Variants in HMGCS2 observed in about 807,000 individuals in gnomAD.
The protein encoded by HMGCS2 is 3-hydroxy-3-methylglutaryl-CoA synthase 2.
Under a neutral mutation model 57.4 loss-of-function variants are expected in HMGCS2, and 50 were observed. That is an observed-to-expected ratio of 0.87 (90% CI 0.69 to 1.10). The LOEUF (loss-of-function observed/expected upper bound fraction) is 1.10, where lower values mean the gene tolerates loss of function less well. HMGCS2 is among the 50% of genes least tolerant of loss of function. HMGCS2 has a pLI of 0.00. For synonymous variants in HMGCS2, 254 were observed against 245.1 expected, an observed-to-expected ratio of 1.04 and a Z score of -0.34; for missense variants, 627 against 636.5, an observed-to-expected ratio of 0.99 and a Z score of 0.16.
intron 5 of HMGCS2, among the ~76,000 whole-genome samples, 173 bp downstream of exon 5, chr1:119,757,100 T>G (rs1027933607): frequency 6.6e-6 from 1 of 152,170 alleles, no homozygotes; most frequent in East Asian, 1.9e-4. Context: ...TGGAGGGCCC[T>G]ACCCAGACAA....
chr1:119,757,343 T>G lies in HMGCS2; in HGVS notation c.946A>C (p.Met316Leu), dbSNP rs587664208. Reference sequence around the variant, plus strand: ...CTGGCTGACAGGAAGTCATTGAACATCAGGCGAGCCAGAGACTTCTGGACC... The same window carrying G: ...CTGGCTGACAGGAAGTCATTGAACAGCAGGCGAGCCAGAGACTTCTGGACC... ...KMVQKSLARL[M>L]FNDFLSASSD... The change falls in exon 5 of 10, where the codon ATG (methionine) becomes CTG (leucine). Residue 316 changes from methionine to leucine, a missense_variant. By Grantham distance (15) the Met-to-Leu change is conservative. Coordinates refer to ENST00000369406, the MANE Select transcript of HMGCS2 (RefSeq NM_005518.4). 6.2e-7 allele frequency: 1 copy of G among 1,614,148 alleles called. No individual in the cohort carries two copies. The highest frequency in any genetic ancestry group is 8.5e-7 in the Non-Finnish European group (1 of 1,180,024).
In HMGCS2 at chr1:119,755,377, C is replaced by T. The variant is rs773460462; in HGVS notation, c.1187+50G>A. Reference sequence around the variant, plus strand: ...TTGTTGACCCTGCAGCCCACGGGGGCGGAGGCTGAGGGTGTGCATGGAGGA... The same window carrying T: ...TTGTTGACCCTGCAGCCCACGGGGGTGGAGGCTGAGGGTGTGCATGGAGGA... On this transcript the variant is annotated intron_variant, in intron 6 of 9. Coordinates refer to ENST00000369406, the MANE Select transcript of HMGCS2 (RefSeq NM_005518.4). 1.7e-5 allele frequency: 27 copies of T among 1,574,318 alleles called. 1 individual carries two copies. The highest frequency in any genetic ancestry group is 1.1e-4 in the African/African-American group (8 of 74,022).
In HMGCS2 at chr1:119,750,956, T is replaced by G. The variant is rs587699315; in HGVS notation, c.1421-48A>C. ...AGTACTCACAAAGAGTTATATGAGTTTTTGGAAGAGAAAATAGTAATGAAG... is the reference window on the plus strand; with the variant it reads ...AGTACTCACAAAGAGTTATATGAGTGTTTGGAAGAGAAAATAGTAATGAAG... On this transcript the variant is annotated intron_variant, in intron 8 of 9. Coordinates refer to ENST00000369406, the MANE Select transcript of HMGCS2 (RefSeq NM_005518.4). 98 of 1,162,762 alleles carry G rather than the reference T, an allele frequency of 8.4e-5. No homozygotes were observed. In the South Asian group the frequency reaches 1.2e-3, roughly 14 times the overall value. 72.0% of individuals were successfully genotyped at this position (1,162,762 alleles called of 1,614,324 possible). A position where few individuals can be genotyped will look rare whatever the true frequency, so the allele number is the denominator to read the frequency against.
At chr1:119,764,896 G>C (rs587595347) in intron 1 of HMGCS2, among the ~76,000 whole-genome samples, 3 of 152,032 alleles carry the variant, frequency 2.0e-5, no homozygotes, top group Non-Finnish European at 2.9e-5. Flanking sequence ...CTGTTTCCAT[G>C]GTACATCTTT....
At chr1:119,761,160 A>G (rs748496106) in intron 2 of HMGCS2, among the ~76,000 whole-genome samples, 442 of 147,948 alleles carry the variant, frequency 3.0e-3, no homozygotes, top group Non-Finnish European at 4.4e-3. Flanking sequence ...TAAATATATT[A>G]GTATAAGTAA....
At chr1:119,764,119 T>C in intron 2 of HMGCS2, 53 bp downstream of exon 2, 7 of 1,547,168 alleles carry the variant, frequency 4.5e-6, no homozygotes, top group Admixed American at 1.7e-5. Context: ...ACTGGTAATA[T>C]TCAGCCTCCA....
At chr1:119,754,914 A>G (rs1443017299) in intron 6 of HMGCS2, among the ~76,000 whole-genome samples, 1 of 152,236 alleles carries the variant, frequency 6.6e-6, no homozygotes, top group Non-Finnish European at 1.5e-5. Flanking sequence ...TTTGGAGACC[A>G]CTGTCTGATA....
chr1:119,750,795 A>C lies in HMGCS2; in HGVS notation c.*5+2T>G. ...CCACCAACTCTGCAAACTCTCACTC[A>C]CCACCTTTAGACGGGACGCCGGGCA... On this transcript the variant is annotated splice_donor_variant, in intron 9 of 9. Transcript: ENST00000369406. LOFTEE classifies it low-confidence loss of function (3UTR_SPLICE). 1 of 1,603,536 alleles carries C rather than the reference A, an allele frequency of 6.2e-7. No individual in the cohort carries two copies. Among genetic ancestry groups the C allele is most frequent in the Non-Finnish European group, 8.5e-7 (1 of 1,170,774 alleles).
At chr1:119,760,439 A>G (rs1652999898) in intron 2 of HMGCS2, among the ~76,000 whole-genome samples, 1 of 152,248 alleles carries the variant, frequency 6.6e-6, no homozygotes, top group Admixed American at 6.5e-5. Flanking sequence ...TAACATCCAC[A>G]TTCACAAGTG....
In HMGCS2 at chr1:119,768,750, G is replaced by A. The variant is rs199651321; in HGVS notation, c.95C>T (p.Ala32Val). The change falls in exon 1 of 10, where the codon GCC becomes GTC. Residue 32 changes from alanine to valine, a missense_variant. Coordinates refer to ENST00000369406, the MANE Select transcript of HMGCS2 (RefSeq NM_005518.4). The stretch of plus-strand genomic sequence containing the variant: ...TCAGAAAGTGACTCACCTTTGGTGG[G>A]CTACTGGGAGCAGGCGAGCAGGTGT... ...SLTPARLLPV[A>V]HQRFSTASAV... is the part of the protein sequence containing the mutation. 27 of 1,612,066 alleles carry A rather than the reference G, an allele frequency of 1.7e-5. No individual in the cohort carries two copies. Among genetic ancestry groups the A allele is most frequent in the Non-Finnish European group, 2.2e-5 (26 of 1,178,110 alleles).
chr1:119,768,791 C>T lies in HMGCS2; in HGVS notation c.54G>A (p.Val18=), dbSNP rs1557996139. 35 of 1,614,008 alleles carry T rather than the reference C, an allele frequency of 2.2e-5. No individual in the cohort carries two copies. Among genetic ancestry groups the T allele is most frequent in the Non-Finnish European group, 3.0e-5 (35 of 1,180,018 alleles). ...GAGCAGGTGTGAGGGAGGTTTCCTG[C>T]ACCGCTCTTGTCAGTTGCAGAATGC... The part of the protein sequence containing the change: ...VKRILQLTRA[V]QETSLTPARL... The change falls in exon 1 of 10, where the codon GTG becomes GTA. Residue 18 remains valine (V), a synonymous_variant. Coordinates refer to ENST00000369406, the MANE Select transcript of HMGCS2 (RefSeq NM_005518.4).
At chr1:119,758,234 T>C (rs1023148672) in intron 4 of HMGCS2, among the ~76,000 whole-genome samples, 3 of 152,258 alleles carry the variant, frequency 2.0e-5, no homozygotes, top group Admixed American at 2.0e-4. Context: ...TTTATTTTTA[T>C]TTATTTATAT....
intron 1 of HMGCS2, among the ~76,000 whole-genome samples, chr1:119,767,785 C>G (rs1468552910): frequency 6.6e-6 from 1 of 152,098 alleles, no homozygotes; most frequent in African/African-American, 2.4e-5. Flanking sequence ...AACAAGAAAC[C>G]CACATCAATC....
intron 6 of HMGCS2, among the ~76,000 whole-genome samples, chr1:119,755,154 C>A (rs1394349485): frequency 6.6e-6 from 1 of 152,100 alleles, no homozygotes; most frequent in Non-Finnish European, 1.5e-5. Flanking sequence ...GCAGCTGGGA[C>A]CACACGTGCA....
intron 2 of HMGCS2, among the ~76,000 whole-genome samples, chr1:119,763,286 A>T (rs1653105930): frequency 6.6e-6 from 1 of 152,202 alleles, no homozygotes; most frequent in Non-Finnish European, 1.5e-5. Flanking sequence ...CTTTTTGATT[A>T]ATTTTATAAT....
At chr1:119,753,703 A>T (rs1652740548) in intron 6 of HMGCS2, among the ~76,000 whole-genome samples, 1 of 152,162 alleles carries the variant, frequency 6.6e-6, no homozygotes, top group African/African-American at 2.4e-5. Context: ...CCCTCTCATG[A>T]GGACAGGGTA....
rs866934006 is a variant in HMGCS2, at chr1:119,759,161, A to G, written c.807T>C (p.Cys269=). Reference sequence around the variant, plus strand: ...GGATTTTTTTACGGTATGATGTGTAACATCGATCCAAGGCCCGCAAGTAGC... The same window carrying G: ...GGATTTTTTTACGGTATGATGTGTAGCATCGATCCAAGGCCCGCAAGTAGC... ...IQCYLRALDR[C]YTSYRKKIQN... The change falls in exon 4 of 10, where the codon TGT becomes TGC. Residue 269 remains cysteine, a synonymous_variant. Coordinates refer to ENST00000369406, the MANE Select transcript of HMGCS2 (RefSeq NM_005518.4). 6.2e-7 allele frequency: 1 copy of G among 1,614,198 alleles called. No individual in the cohort carries two copies. The highest frequency in any genetic ancestry group is 1.7e-5 in the Admixed American group (1 of 60,030).
chr1:119,764,070 C>T (rs928736723), intron 2 of HMGCS2, 102 bp downstream of exon 2: 3 of 919,056 alleles, frequency 3.3e-6, no homozygotes, highest in African/African-American at 3.3e-5. Context: ...ATTGTCCTTC[C>T]TTCACTAGAT....
At chr1:119,758,040 T>G (rs1652908082) in intron 4 of HMGCS2, among the ~76,000 whole-genome samples, 2 of 152,152 alleles carry the variant, frequency 1.3e-5, no homozygotes, top group Admixed American at 6.5e-5. Flanking sequence ...GCCCATGAGG[T>G]TCACCTCTGG....
Sources: gnomAD v4.1 joint callset for allele counts (sites outside exome capture counted in the v4.1 genomes callset) on GRCh38, gnomAD v4.1.1 for gene constraint, MANE v1.5 for transcripts, NCBI Gene and HGNC (gene_info 2026-07-23, HGNC 2026-07-21) for gene names.